The following FKBP5 variants were observed in gnomAD, a reference collection of about 807,000 sequenced individuals.
FKBP5 encodes the protein FKBP prolyl isomerase 5, also known as peptidyl-prolyl cis-trans isomerase FKBP5.
FKBP5 carries 23 observed loss-of-function variants against 50.5 expected under a neutral mutation model. The observed-to-expected ratio is 0.46, with a 90% CI of 0.33 to 0.65. The LOEUF (loss-of-function observed/expected upper bound fraction) is 0.65, where lower values mean the gene tolerates loss of function less well. Ranked by LOEUF, FKBP5 falls within the 30% of genes least tolerant of loss-of-function variation. The pLI is 0.02. For missense variants in FKBP5, 411 were observed against 553.1 expected, an observed-to-expected ratio of 0.74 and a Z score of 2.58; for synonymous variants, 176 against 190.6, an observed-to-expected ratio of 0.92 and a Z score of 0.63.
chr6:35,692,372 G>A (rs1285474673), upstream of FKBP5, among the ~76,000 whole-genome samples: 1 of 152,094 alleles, frequency 6.6e-6, no homozygotes, highest in Non-Finnish European at 1.5e-5. Context: ...CTTTCTCCAG[G>A]TGGCACAGCT....
intron 1 of FKBP5, among the ~76,000 whole-genome samples, chr6:35,669,836 T>C (rs1765335120): frequency 6.6e-6 from 1 of 152,206 alleles, no homozygotes; most frequent in South Asian, 2.1e-4. Flanking sequence ...AAAAGCTTTC[T>C]TTACTGGACA....
rs921006867 is a variant in FKBP5, at chr6:35,586,098, TC to T, written c.840+935del. 3 of 984,912 alleles carry T rather than the reference TC, an allele frequency of 3.0e-6. No homozygotes were observed. The African/African-American group carries it at 5.3e-5, about 17-fold the overall frequency. 61.0% of individuals were successfully genotyped at this position (984,912 alleles called of 1,614,324 possible). A position where few individuals can be genotyped will look rare whatever the true frequency, so the allele number is the denominator to read the frequency against. ...AAAACGAAAGAAACCTTGACAGAAC[TC>T]CCATTCTCCCTCTAATTCTCATCAC... On this transcript the variant is annotated intron_variant, in intron 8 of 10. Transcript: ENST00000357266.
Position 35,585,210 on chromosome 6 carries a change from G to A in FKBP5, c.840+1824C>T, listed in dbSNP as rs555054999. 1.5e-5 allele frequency: 15 copies of A among 973,640 alleles called. No homozygotes were observed. The Admixed American group carries it at 3.1e-4, about 20-fold the overall frequency. 60.3% of individuals were successfully genotyped at this position (973,640 alleles called of 1,614,324 possible). On this transcript the variant is annotated intron_variant, in intron 8 of 10. Coordinates refer to ENST00000357266, the MANE Select transcript of FKBP5 (RefSeq NM_004117.4). Reference sequence around the variant, plus strand: ...GAGGAAATATATAAAATATAGTTAAGGATTTTTATGGACTTCGGAAATATA... The same window carrying A: ...GAGGAAATATATAAAATATAGTTAAAGATTTTTATGGACTTCGGAAATATA...
At chr6:35,631,954 C>CAA (rs763457961) in intron 3 of FKBP5, among the ~76,000 whole-genome samples, 2,051 of 63,544 alleles carry the variant, frequency 0.032, 58 homozygotes, top group African/African-American at 0.084. Context: ...GACTCTGTCT[C>CAA]AAAAAAAAAA....
chr6:35,584,140 C>G lies in FKBP5; in HGVS notation c.840+2894G>C, dbSNP rs751534777. ...CACTGTCAGCTATGAGGGCAAAAAT[C>G]GTGTCTGTTTAACTCGCTTGCACAA... On this transcript the variant is annotated intron_variant, in intron 8 of 10. Transcript: ENST00000357266. The G allele has an allele frequency of 4.1e-6, 4 of 985,292 alleles. No homozygotes were observed. In the African/African-American group the frequency reaches 7.0e-5, roughly 17 times the overall value. The allele number at this position is 985,292 out of a possible 1,614,324, so 61.0% of individuals were successfully genotyped here.
chr6:35,595,680 G>A (rs1046547614), intron 6 of FKBP5, among the ~76,000 whole-genome samples: 27 of 152,062 alleles, frequency 1.8e-4, no homozygotes, highest in African/African-American at 6.3e-4. Flanking sequence ...GAGCCCTGGA[G>A]GTTGAGGCTA....
chr6:35,645,104 T>A (rs1350293843), intron 1 of FKBP5, among the ~76,000 whole-genome samples: 2 of 152,346 alleles, frequency 1.3e-5, no homozygotes, highest in Admixed American at 1.3e-4. Flanking sequence ...AAAAAAGTGC[T>A]ATTACTCTGT....
chr6:35,650,857 G>A (rs1318653497), intron 1 of FKBP5, among the ~76,000 whole-genome samples: 2 of 152,190 alleles, frequency 1.3e-5, no homozygotes, highest in South Asian at 4.2e-4. Flanking sequence ...GGGTGGGTGG[G>A]TATGATCATT....
intron 1 of FKBP5, among the ~76,000 whole-genome samples, chr6:35,645,546 G>T (rs1306763204): frequency 1.3e-5 from 2 of 152,328 alleles, no homozygotes; most frequent in African/African-American, 4.8e-5. Flanking sequence ...TCCTTGGCTG[G>T]ATCCTGGATT....
intron 2 of FKBP5, among the ~76,000 whole-genome samples, chr6:35,699,265 C>T (rs1472346101): frequency 6.6e-6 from 1 of 152,312 alleles, no homozygotes; most frequent in South Asian, 2.1e-4. Context: ...GACTTCTGAA[C>T]ATGGTGTCTG....
chr6:35,702,224 C>T (rs1157563590), intron 2 of FKBP5, among the ~76,000 whole-genome samples: 1 of 152,178 alleles, frequency 6.6e-6, no homozygotes, highest in East Asian at 1.9e-4. Flanking sequence ...CCAATAACTC[C>T]TCACTATCTC....
chr6:35,712,909 G>A (rs945741901), intron 2 of FKBP5, among the ~76,000 whole-genome samples: 1 of 151,704 alleles, frequency 6.6e-6, no homozygotes, highest in Non-Finnish European at 1.5e-5. Flanking sequence ...TGGGCACAAA[G>A]CAAAACTAAT....
At chr6:35,701,542 CTGTT>C (rs1269121071) in intron 2 of FKBP5, among the ~76,000 whole-genome samples, 6 of 151,104 alleles carry the variant, frequency 4.0e-5, no homozygotes, top group South Asian at 2.1e-4. Context: ...CACGCCCGGC[CTGTT>C]TGTTTGTTTT....
chr6:35,693,297 A>G (rs1213725864), upstream of FKBP5, among the ~76,000 whole-genome samples: 2 of 148,438 alleles, frequency 1.3e-5, no homozygotes, highest in Admixed American at 6.8e-5. Flanking sequence ...CAAGTAGCTG[A>G]GACTACAGGT....
chr6:35,601,492 G>A (rs1763143629), intron 5 of FKBP5, among the ~76,000 whole-genome samples: 1 of 152,104 alleles, frequency 6.6e-6, no homozygotes, highest in South Asian at 2.1e-4. Flanking sequence ...CCACAGTAGG[G>A]GCCCTGATTG....
intron 5 of FKBP5, among the ~76,000 whole-genome samples, chr6:35,610,355 A>G (rs1406475483): frequency 6.6e-6 from 1 of 152,002 alleles, no homozygotes; most frequent in Non-Finnish European, 1.5e-5. Flanking sequence ...TCACGAGGTC[A>G]GGAGATCGAG....
chr6:35,673,541 G>C (rs1459851239), intron 1 of FKBP5, among the ~76,000 whole-genome samples: 1 of 149,252 alleles, frequency 6.7e-6, no homozygotes, highest in Non-Finnish European at 1.5e-5. Context: ...TGTCTCAAAA[G>C]AAAAAAAAAG....
rs903997585 is a variant in FKBP5, at chr6:35,604,799, T to C, written c.509-7395A>G. Among the ~76,000 whole-genome samples, 7 of 150,226 alleles carry C rather than the reference T, an allele frequency of 4.7e-5. No homozygotes were observed. In the East Asian group the frequency reaches 1.4e-3, roughly 29 times the overall value. On this transcript the variant is annotated intron_variant, in intron 5 of 10. Coordinates refer to ENST00000357266, the MANE Select transcript of FKBP5 (RefSeq NM_004117.4). ...TTTGGTTTTCTACACAGTGTTTTCT[T>C]TTTTTTTTTGAGATGGAGTCTCGCT... is the stretch of plus-strand genomic sequence containing the variant.
chr6:35,582,739 AAAAG>A, intron 8 of FKBP5: 1 of 985,414 alleles, frequency 1.0e-6, no homozygotes, highest in Non-Finnish European at 1.2e-6. Context: ...CTACAAAAAA[AAAAG>A]AATAAAGTCC....
Sources: gnomAD v4.1 joint callset for allele counts (sites outside exome capture counted in the v4.1 genomes callset) on GRCh38, gnomAD v4.1.1 for gene constraint, MANE v1.5 for transcripts, NCBI Gene and HGNC (gene_info 2026-07-23, HGNC 2026-07-21) for gene names.